The following RABGAP1L variants were observed in gnomAD, a reference collection of about 807,000 sequenced individuals.
RABGAP1L encodes the protein rab GTPase-activating protein 1-like.
RABGAP1L carries 63 observed loss-of-function variants against 137.7 expected under a neutral mutation model. That is an observed-to-expected ratio of 0.46 (90% CI 0.37 to 0.56). The LOEUF (loss-of-function observed/expected upper bound fraction) is 0.56, where lower values mean the gene tolerates loss of function less well. Ranked by LOEUF, RABGAP1L falls within the 20% of genes least tolerant of loss-of-function variation. The probability of loss-of-function intolerance (pLI) is 0.00; values close to 1 mark genes in which losing one functional copy is unlikely to be tolerated. For synonymous variants in RABGAP1L, 431 were observed against 433.7 expected (o/e 0.99, Z 0.08); for missense variants, 1,095 against 1,244.0 (o/e 0.88, Z 1.80).
At position 174,295,046 on chromosome 1, in the gene RABGAP1L, G is replaced by T. The variant is rs549668893; in HGVS notation, c.1324-9940G>T. 1.6e-3 allele frequency among the ~76,000 whole-genome samples: 239 copies of T among 152,002 alleles called. 1 individual carries two copies. The highest frequency in any genetic ancestry group is 0.014 in the South Asian group (67 of 4,804). Reference sequence around the variant, plus strand: ...TGATTCTCCTGCCTCAGCCTCCTGGGTAGCTGGGACTACAGGTGCGTGCCA... The same window carrying T: ...TGATTCTCCTGCCTCAGCCTCCTGGTTAGCTGGGACTACAGGTGCGTGCCA... On this transcript the variant is annotated intron_variant, in intron 10 of 25. Coordinates refer to ENST00000681986, the MANE Select transcript of RABGAP1L (RefSeq NM_001366446.1).
rs191294111 is a variant in RABGAP1L, at chr1:174,994,331, A to C, written c.*4330A>C. 1.6e-4 allele frequency: 25 copies of C among 152,340 alleles called. 1 individual carries two copies. In the East Asian group the frequency reaches 4.8e-3, roughly 29 times the overall value. The allele number at this position is 152,340 out of a possible 1,614,324, so 9.4% of individuals were successfully genotyped here. A position where few individuals can be genotyped will look rare whatever the true frequency, so the allele number is the denominator to read the frequency against. ...GTCAGCTGTCTGGCATTCCTTTCTC[A>C]GTTTGCATCTAAAAGACTACATATG... On this transcript the variant is annotated 3_prime_UTR_variant, in exon 26 of 26. Transcript: ENST00000681986.
At chr1:174,917,333 T>C (rs1311270833) in intron 19 of RABGAP1L, among the ~76,000 whole-genome samples, 1 of 152,196 alleles carries the variant, frequency 6.6e-6, no homozygotes, top group Non-Finnish European at 1.5e-5. Context: ...AAATATGTGT[T>C]GATATTATGT....
At chr1:174,486,049 T>G (rs1426802500) in intron 13 of RABGAP1L, among the ~76,000 whole-genome samples, 1 of 152,168 alleles carries the variant, frequency 6.6e-6, no homozygotes, top group African/African-American at 2.4e-5. Flanking sequence ...GTTTCTTCCT[T>G]GTTCACTCTT....
At chr1:174,634,745 A>C (rs1572619422) in intron 13 of RABGAP1L, among the ~76,000 whole-genome samples, 2 of 143,566 alleles carry the variant, frequency 1.4e-5, no homozygotes, top group East Asian at 3.9e-4. Flanking sequence ...GACATGGATG[A>C]AATTGGAAAC....
chr1:174,607,554 CA>C (rs1670880566), intron 13 of RABGAP1L, among the ~76,000 whole-genome samples: 1 of 152,124 alleles, frequency 6.6e-6, no homozygotes, highest in African/African-American at 2.4e-5. Flanking sequence ...TTTAAAGACT[CA>C]AAATCAGCCA....
chr1:174,866,841 A>T (rs1338919114), intron 19 of RABGAP1L, among the ~76,000 whole-genome samples: 1 of 152,110 alleles, frequency 6.6e-6, no homozygotes, highest in Non-Finnish European at 1.5e-5. Flanking sequence ...TGAGCCTGGA[A>T]GGTTGAGGCC....
chr1:174,471,682 C>G (rs1239215501), intron 13 of RABGAP1L, among the ~76,000 whole-genome samples: 1 of 152,146 alleles, frequency 6.6e-6, no homozygotes, highest in African/African-American at 2.4e-5. Context: ...GATTTTGAAA[C>G]AGTAGAAACT....
intron 13 of RABGAP1L, among the ~76,000 whole-genome samples, chr1:174,615,462 A>C (rs543563735): frequency 1.3e-5 from 2 of 152,166 alleles, no homozygotes; most frequent in Non-Finnish European, 2.9e-5. Context: ...GTACCCTGCC[A>C]TGTCAGGTGT....
At chr1:174,852,062 G>A (rs1290031528) in intron 19 of RABGAP1L, among the ~76,000 whole-genome samples, 1 of 152,094 alleles carries the variant, frequency 6.6e-6, no homozygotes, top group African/African-American at 2.4e-5. Flanking sequence ...CTATACACTA[G>A]AACTTACCTT....
intron 13 of RABGAP1L, among the ~76,000 whole-genome samples, chr1:174,525,021 T>G (rs78635153): frequency 6.6e-6 from 1 of 152,180 alleles, no homozygotes; most frequent in African/African-American, 2.4e-5. Context: ...GTTGTGCTAT[T>G]CCCATGCTGT....
intron 13 of RABGAP1L, among the ~76,000 whole-genome samples, chr1:174,519,219 T>C (rs541192467): frequency 2.5e-4 from 38 of 150,666 alleles, no homozygotes; most frequent in Middle Eastern, 3.4e-3. Context: ...CATATATATA[T>C]ACACACACAC....
chr1:174,256,444 T>G (rs187331427), intron 7 of RABGAP1L, among the ~76,000 whole-genome samples: 6 of 152,306 alleles, frequency 3.9e-5, no homozygotes, highest in Admixed American at 3.3e-4. Context: ...ATTACTTTTT[T>G]TCTTCCTTGC....
chr1:174,235,242 A>G (rs1453557652), intron 4 of RABGAP1L, among the ~76,000 whole-genome samples: 4 of 144,020 alleles, frequency 2.8e-5, no homozygotes, highest in Non-Finnish European at 4.6e-5. Flanking sequence ...CTCTTTTCCT[A>G]ATTGAATACC....
chr1:174,636,903 T>C (rs1557935414), intron 13 of RABGAP1L, among the ~76,000 whole-genome samples: 2 of 152,034 alleles, frequency 1.3e-5, no homozygotes, highest in East Asian at 3.9e-4. Flanking sequence ...GTTATATAAA[T>C]AGAAAAAAAT....
At chr1:174,408,469 A>G (rs1649530143) in intron 13 of RABGAP1L, among the ~76,000 whole-genome samples, 1 of 152,098 alleles carries the variant, frequency 6.6e-6, no homozygotes, top group South Asian at 2.1e-4. Flanking sequence ...CCCACTGTTG[A>G]TGGGCACTTG....
chr1:174,318,951 ATTG>A (rs1423059195), intron 11 of RABGAP1L, among the ~76,000 whole-genome samples: 2 of 151,826 alleles, frequency 1.3e-5, no homozygotes, highest in African/African-American at 4.8e-5. Context: ...TATACCTATT[ATTG>A]TTTTTAATAG....
rs77552216 is a variant in RABGAP1L, at chr1:174,648,198, A to G, written c.1824+10710A>G. Among the ~76,000 whole-genome samples, 122 of 151,474 alleles carry G rather than the reference A, an allele frequency of 8.1e-4. 1 individual carries two copies. The East Asian group carries it at 0.011, about 14-fold the overall frequency. On this transcript the variant is annotated intron_variant, in intron 14 of 25. Coordinates refer to ENST00000681986, the MANE Select transcript of RABGAP1L (RefSeq NM_001366446.1). ...TTTTTTTGAAGGGTTTTTCATGTCT[A>G]TCTCCTTCAGTTCTGCTCTGATATT...
chr1:174,824,359 G>T (rs1008989936), intron 19 of RABGAP1L, among the ~76,000 whole-genome samples: 1 of 151,940 alleles, frequency 6.6e-6, no homozygotes, highest in Non-Finnish European at 1.5e-5. Flanking sequence ...GCTGGGCATG[G>T]TGACACACGC....
intron 13 of RABGAP1L, among the ~76,000 whole-genome samples, chr1:174,603,696 C>A (rs959693970): frequency 2.6e-5 from 4 of 151,998 alleles, no homozygotes; most frequent in Non-Finnish European, 5.9e-5. Context: ...AGCACTAGTT[C>A]TCACCCAAAG....
Sources: allele counts gnomAD v4.1 joint callset (sites outside exome capture counted in the v4.1 genomes callset), GRCh38; gene constraint gnomAD v4.1.1; transcripts MANE v1.5; gene names NCBI Gene and HGNC (gene_info 2026-07-23, HGNC 2026-07-21).